The following CDH12 variants were observed in gnomAD, a reference collection of about 807,000 sequenced individuals.
CDH12 encodes cadherin 12, also known as cadherin-12.
CDH12 carries 41 observed loss-of-function variants against 74.1 expected under a neutral mutation model. The observed-to-expected ratio is 0.55, with a 90% confidence interval of 0.43 to 0.72. CDH12 has a LOEUF of 0.72. CDH12 is among the 30% of genes least tolerant of loss of function. The pLI, the probability that CDH12 is intolerant of heterozygous loss-of-function variation, is 0.00. For synonymous variants in CDH12, 399 were observed against 355.0 expected, an observed-to-expected ratio of 1.12 and a Z score of -1.39; for missense variants, 945 against 977.2, an observed-to-expected ratio of 0.97 and a Z score of 0.44.
intron 6 of CDH12, among the ~76,000 whole-genome samples, chr5:21,921,379 T>C (rs1014573951): frequency 6.6e-6 from 1 of 152,192 alleles, no homozygotes; most frequent in African/African-American, 2.4e-5. Context: ...ACTAATCTGT[T>C]TAGCTTATTC....
chr5:22,649,866 T>C (rs191637470), intron 1 of CDH12, among the ~76,000 whole-genome samples: 1 of 152,050 alleles, frequency 6.6e-6, no homozygotes, highest in Admixed American at 6.6e-5. Context: ...CACAACACCA[T>C]CTATGGCAGC....
At chr5:22,297,784 T>C (rs1364238040) in intron 3 of CDH12, among the ~76,000 whole-genome samples, 1 of 152,158 alleles carries the variant, frequency 6.6e-6, no homozygotes, top group Admixed American at 6.5e-5. Flanking sequence ...TTAATACCTG[T>C]GCAATTGTTA....
At chr5:22,271,608 C>A (rs566584626) in intron 3 of CDH12, among the ~76,000 whole-genome samples, 75 of 152,138 alleles carry the variant, frequency 4.9e-4, no homozygotes, top group Non-Finnish European at 9.6e-4. Flanking sequence ...GAAACTATAG[C>A]CTTATGTGAG....
At chr5:21,771,141 A>G (rs1244176513) in intron 11 of CDH12, among the ~76,000 whole-genome samples, 1 of 152,144 alleles carries the variant, frequency 6.6e-6, no homozygotes, top group Non-Finnish European at 1.5e-5. Flanking sequence ...CTCCCATGAT[A>G]TGCAACTTAC....
chr5:22,677,256 T>C (rs187133067), intron 1 of CDH12, among the ~76,000 whole-genome samples: 301 of 152,256 alleles, frequency 2.0e-3, no homozygotes, highest in African/African-American at 6.9e-3. Context: ...TAGGCTAGTA[T>C]AAGAGAATAC....
intron 6 of CDH12, among the ~76,000 whole-genome samples, chr5:21,877,150 C>T (rs1324131992): frequency 1.3e-5 from 2 of 152,000 alleles, no homozygotes; most frequent in African/African-American, 2.4e-5. Context: ...TTGCAGTGAT[C>T]CTAGATTGCA....
At chr5:21,966,593 A>G (rs1055036329) in intron 6 of CDH12, among the ~76,000 whole-genome samples, 1 of 152,130 alleles carries the variant, frequency 6.6e-6, no homozygotes, top group Admixed American at 6.6e-5. Context: ...ATTGATGAAT[A>G]TTTGAACCTG....
At chr5:22,248,265 C>T (rs1316119064) in intron 3 of CDH12, among the ~76,000 whole-genome samples, 2 of 152,016 alleles carry the variant, frequency 1.3e-5, no homozygotes, top group Admixed American at 1.3e-4. Flanking sequence ...CACCATTGCG[C>T]TATAGCCTGG....
chr5:22,078,862 C>A lies in CDH12; in HGVS notation c.-186G>T. On this transcript the variant is annotated splice_region_variant and 5_prime_UTR_variant, in exon 5 of 15. Coordinates refer to ENST00000382254, the MANE Select transcript of CDH12 (RefSeq NM_004061.5). ...CTGTATTATATTCCATCTAAAGGGG[C>A]CTATGAAATAGATGAACAAAGATAC... The A allele has an allele frequency of 7.5e-7, 1 of 1,332,754 alleles. No homozygotes were observed. The highest frequency in any genetic ancestry group is 2.1e-5 in the South Asian group (1 of 46,898). The allele number at this position is 1,332,754 out of a possible 1,614,324, so 82.6% of individuals were successfully genotyped here. A position where few individuals can be genotyped will look rare whatever the true frequency, so the allele number is the denominator to read the frequency against.
chr5:22,647,485 AC>A (rs1463237836), intron 1 of CDH12, among the ~76,000 whole-genome samples: 4 of 151,830 alleles, frequency 2.6e-5, no homozygotes, highest in Admixed American at 2.6e-4. Context: ...CATCAAGTTG[AC>A]AGTATGTTCT....
At chr5:21,753,780 C>A (rs566712901) in intron 14 of CDH12, among the ~76,000 whole-genome samples, 49 of 152,234 alleles carry the variant, frequency 3.2e-4, no homozygotes, top group Non-Finnish European at 5.6e-4. Context: ...AAATGAGTGG[C>A]AGATGGTAGT....
intron 3 of CDH12, among the ~76,000 whole-genome samples, chr5:22,306,826 A>AT (rs1474798227): frequency 6.6e-6 from 1 of 152,208 alleles, no homozygotes; most frequent in East Asian, 1.9e-4. Context: ...GAGAATAAAA[A>AT]TTAGATGTAC....
intron 4 of CDH12, among the ~76,000 whole-genome samples, chr5:22,199,845 A>C (rs58319658): frequency 0.35 from 53,155 of 151,194 alleles, 9,237 homozygotes; most frequent in South Asian, 0.38. Flanking sequence ...CTGACAAAAA[A>C]CATTTTATTT....
chr5:22,411,277 C>G (rs1404518914), intron 2 of CDH12, among the ~76,000 whole-genome samples: 2 of 151,760 alleles, frequency 1.3e-5, no homozygotes, highest in Non-Finnish European at 2.9e-5. Flanking sequence ...AAACTATAAT[C>G]CAGGGACTGT....
chr5:22,741,978 C>T (rs1333086477), intron 1 of CDH12, among the ~76,000 whole-genome samples: 2 of 152,050 alleles, frequency 1.3e-5, no homozygotes, highest in African/African-American at 2.4e-5. Flanking sequence ...GTCAGGAGTT[C>T]GAGACCAGCG....
intron 4 of CDH12, among the ~76,000 whole-genome samples, chr5:22,097,922 T>C (rs1743889673): frequency 6.6e-6 from 1 of 151,956 alleles, no homozygotes; most frequent in South Asian, 2.1e-4. Context: ...CCCTTACAAT[T>C]CCCCCATTTC....
chr5:22,172,225 T>C (rs547710610), intron 4 of CDH12: 22 of 151,970 alleles, frequency 1.4e-4, no homozygotes, highest in African/African-American at 5.3e-4. Context: ...AATTATCATC[T>C]CTCCAAACAA....
At chr5:22,593,232 GTCTCTC>G (rs10549680) in intron 1 of CDH12, among the ~76,000 whole-genome samples, 33 of 150,474 alleles carry the variant, frequency 2.2e-4, no homozygotes, top group African/African-American at 7.6e-4. Flanking sequence ...CAAGCATTCT[GTCTCTC>G]TCTCTCTCTC....
chr5:21,945,832 G>A (rs1210540429), intron 6 of CDH12, among the ~76,000 whole-genome samples: 1 of 151,976 alleles, frequency 6.6e-6, no homozygotes, highest in Non-Finnish European at 1.5e-5. Context: ...AGGGGATATA[G>A]AAGACGAGGA....
Sources: gnomAD v4.1 joint callset for allele counts (sites outside exome capture counted in the v4.1 genomes callset) on GRCh38, gnomAD v4.1.1 for gene constraint, MANE v1.5 for transcripts, NCBI Gene and HGNC (gene_info 2026-07-23, HGNC 2026-07-21) for gene names.